Variants in HSD17B12 observed in about 807,000 individuals in gnomAD.
HSD17B12 encodes very-long-chain 3-oxoacyl-CoA reductase.
A neutral mutation model predicts 39.3 loss-of-function variants in HSD17B12; 32 were observed. The observed-to-expected ratio is 0.81, with a 90% CI of 0.61 to 1.09. The LOEUF (loss-of-function observed/expected upper bound fraction) is 1.09, where lower values mean the gene tolerates loss of function less well. HSD17B12 is among the 50% of genes least tolerant of loss of function. The pLI is 0.00. For missense variants in HSD17B12, 342 were observed against 382.9 expected, an observed-to-expected ratio of 0.89 and a Z score of 0.89; for synonymous variants, 150 against 146.7, an observed-to-expected ratio of 1.02 and a Z score of -0.16.
intron 1 of HSD17B12, among the ~76,000 whole-genome samples, chr11:43,716,928 T>A (rs1950129369): frequency 6.6e-6 from 1 of 151,762 alleles, no homozygotes; most frequent in African/African-American, 2.4e-5. Flanking sequence ...TAAATCAGAA[T>A]AAATTTAGTA....
intron 1 of HSD17B12, among the ~76,000 whole-genome samples, chr11:43,684,314 C>T (rs940075797): frequency 6.6e-6 from 1 of 152,060 alleles, no homozygotes; most frequent in Non-Finnish European, 1.5e-5. Flanking sequence ...GTTTGAAGGT[C>T]AGTGTAGCAA....
At chr11:43,756,596 T>C (rs1335536798) in intron 3 of HSD17B12, among the ~76,000 whole-genome samples, 2 of 152,218 alleles carry the variant, frequency 1.3e-5, no homozygotes, top group Non-Finnish European at 2.9e-5. Context: ...TGAATGCATC[T>C]ACTAGTTGCT....
At chr11:43,721,620 A>G (rs890409834) in intron 1 of HSD17B12, among the ~76,000 whole-genome samples, 1 of 152,136 alleles carries the variant, frequency 6.6e-6, no homozygotes, top group African/African-American at 2.4e-5. Flanking sequence ...CTCCATCTCA[A>G]AAAAGAAAAA....
At chr11:43,711,074 T>A (rs1950061011) in intron 1 of HSD17B12, among the ~76,000 whole-genome samples, 1 of 152,232 alleles carries the variant, frequency 6.6e-6, no homozygotes, top group South Asian at 2.1e-4. Flanking sequence ...ATTACAGGCA[T>A]GAGCCACCGT....
chr11:43,699,950 T>C (rs4359199), intron 1 of HSD17B12, among the ~76,000 whole-genome samples: 79,042 of 152,100 alleles, frequency 0.52, 20,982 homozygotes, highest in African/African-American at 0.57. Context: ...GGCTTATATC[T>C]ACAGGACATT....
intron 1 of HSD17B12, among the ~76,000 whole-genome samples, chr11:43,726,146 C>G (rs1267150995): frequency 1.3e-5 from 2 of 152,152 alleles, no homozygotes; most frequent in African/African-American, 4.8e-5. Flanking sequence ...AGGTATCACA[C>G]TAGTCTAAGG....
chr11:43,663,075 CTTG>C, the HSD17B12 span, among the ~76,000 whole-genome samples: 2 of 149,240 alleles, frequency 1.3e-5, no homozygotes, highest in Non-Finnish European at 3.0e-5. Context: ...AGGGTCTTGC[CTTG>C]TTGTTTAATT....
At chr11:43,673,468 T>TTTTC in the HSD17B12 span, 1 of 51,116 alleles carries the variant, frequency 2.0e-5, no homozygotes, top group African/African-American at 5.0e-5. Flanking sequence ...AGTCTTTTTC[T>TTTTC]TTTCTTTTCT....
upstream of HSD17B12, among the ~76,000 whole-genome samples, chr11:43,680,341 G>T (rs1433081977): frequency 6.6e-6 from 1 of 152,114 alleles, no homozygotes; most frequent in African/African-American, 2.4e-5. Context: ...CAAAGTGCTG[G>T]GATTACAGGT....
chr11:43,855,210 A>G lies in HSD17B12; in HGVS notation c.901A>G (p.Thr301Ala), dbSNP rs768344325. 3 of 1,610,712 alleles carry G rather than the reference A, an allele frequency of 1.9e-6. No individual in the cohort carries two copies. The highest frequency in any genetic ancestry group is 2.5e-6 in the Non-Finnish European group (3 of 1,178,814). ...AATAGTCATGAATATGAACAAGTCT[A>G]CACGGGCTCACTATCTGAAGAAAAC... is the stretch of plus-strand genomic sequence containing the variant. ...LKIVMNMNKS[T>A]RAHYLKKTKK... Residue 301 changes from threonine (T) to alanine (A), a missense_variant, in exon 11 of 11, where the codon ACA (threonine) becomes GCA (alanine). Transcript: ENST00000278353.
the HSD17B12 span, among the ~76,000 whole-genome samples, chr11:43,634,713 G>C: frequency 6.6e-6 from 1 of 152,174 alleles, no homozygotes; most frequent in Non-Finnish European, 1.5e-5. Context: ...GTAACATCCA[G>C]GAGGGTGGGA....
chr11:43,776,687 A>G (rs1840434445), intron 3 of HSD17B12, among the ~76,000 whole-genome samples: 1 of 152,220 alleles, frequency 6.6e-6, no homozygotes, highest in Non-Finnish European at 1.5e-5. Context: ...GCCCATGCCT[A>G]TGTCCTGAAC....
chr11:43,660,283 C>T, the HSD17B12 span, among the ~76,000 whole-genome samples: 11 of 152,156 alleles, frequency 7.2e-5, no homozygotes, highest in African/African-American at 1.2e-4. Context: ...TAAAGCTTGC[C>T]GTGTGTTATT....
At chr11:43,559,190 T>C in the HSD17B12 span, among the ~76,000 whole-genome samples, 1 of 152,098 alleles carries the variant, frequency 6.6e-6, no homozygotes, top group African/African-American at 2.4e-5. Flanking sequence ...GTTTATTGCT[T>C]AAGTCAACAA....
chr11:43,583,728 C>A, the HSD17B12 span, among the ~76,000 whole-genome samples: 1 of 152,056 alleles, frequency 6.6e-6, no homozygotes, highest in African/African-American at 2.4e-5. Context: ...GCGCATCCCA[C>A]TTAATAAAGC....
At chr11:43,827,119 G>A (rs1204071112) in intron 6 of HSD17B12, among the ~76,000 whole-genome samples, 2 of 152,294 alleles carry the variant, frequency 1.3e-5, no homozygotes, top group African/African-American at 4.8e-5. Context: ...GTGGCTATTT[G>A]TGGTATCCTA....
chr11:43,842,970 C>T (rs12419183), intron 9 of HSD17B12, among the ~76,000 whole-genome samples: 1 of 152,184 alleles, frequency 6.6e-6, no homozygotes, highest in African/African-American at 2.4e-5. Flanking sequence ...GATTTTCCAC[C>T]TAGTAATCTG....
chr11:43,788,909 T>C (rs4755742), intron 3 of HSD17B12, among the ~76,000 whole-genome samples: 57,441 of 151,956 alleles, frequency 0.38, 11,467 homozygotes, highest in East Asian at 0.73. Context: ...AACTTTTGAA[T>C]GAGGGGGCCC....
chr11:43,762,480 A>G (rs1459951401), intron 3 of HSD17B12, among the ~76,000 whole-genome samples: 1 of 152,214 alleles, frequency 6.6e-6, no homozygotes, highest in East Asian at 1.9e-4. Flanking sequence ...TAGTCTTTTG[A>G]TGATCTTCCT....
Sources: gnomAD v4.1 joint callset for allele counts (sites outside exome capture counted in the v4.1 genomes callset) on GRCh38, gnomAD v4.1.1 for gene constraint, MANE v1.5 for transcripts, NCBI Gene and HGNC (gene_info 2026-07-23, HGNC 2026-07-21) for gene names.